Variants in C8B observed in about 807,000 individuals in gnomAD.
C8B encodes complement component C8 beta chain.
A neutral mutation model predicts 64.6 loss-of-function variants in C8B; 67 were observed. That is an observed-to-expected ratio of 1.04 (90% CI 0.85 to 1.27). The LOEUF is 1.27. Ranked by LOEUF, C8B falls within the 50% of genes most tolerant of loss-of-function variation. The pLI is 0.00. For synonymous variants in C8B, 284 were observed against 257.7 expected, an observed-to-expected ratio of 1.10 and a Z score of -0.98; for missense variants, 790 against 725.2, an observed-to-expected ratio of 1.09 and a Z score of -1.03.
In C8B at chr1:56,960,191, G is replaced by A; in HGVS notation, c.93-15C>T. The A allele has an allele frequency of 6.2e-7, 1 of 1,612,946 alleles. No individual in the cohort carries two copies. Among genetic ancestry groups the A allele is most frequent in the Non-Finnish European group, 8.5e-7 (1 of 1,179,188 alleles). On this transcript the variant is annotated splice_polypyrimidine_tract_variant and intron_variant, in intron 1 of 11. Transcript: ENST00000371237. ...GCCTTTCACCTCTAAAAGTCATTAT[G>A]AGAGAAGAGAGTCACGTATCAGAAG...
At position 56,960,019 on chromosome 1, in the gene C8B, C is replaced by A; in HGVS notation, c.249+1G>T. On this transcript the variant is annotated splice_donor_variant, in intron 2 of 11. Coordinates refer to ENST00000371237, the MANE Select transcript of C8B (RefSeq NM_000066.4). LOFTEE classifies it high-confidence loss of function. ...GAGCTGTCCCAGGCCTGGTTGCTTA[C>A]CCTTTTCTTCTGACAGGGGTCACAT... The A allele has an allele frequency of 6.2e-7, 1 of 1,614,126 alleles. No individual in the cohort carries two copies. Among genetic ancestry groups the A allele is most frequent in the Non-Finnish European group, 8.5e-7 (1 of 1,179,990 alleles).
intron 5 of C8B, among the ~76,000 whole-genome samples, chr1:56,950,460 G>A (rs1440468614): frequency 6.6e-6 from 1 of 152,188 alleles, no homozygotes; most frequent in Non-Finnish European, 1.5e-5. Context: ...TCATGGCACT[G>A]TGTGTAGGGG....
intron 5 of C8B, among the ~76,000 whole-genome samples, chr1:56,950,697 GGACA>G (rs2101428529): frequency 6.6e-6 from 1 of 152,310 alleles, no homozygotes; most frequent in South Asian, 2.1e-4. Context: ...GGATGACTTT[GGACA>G]ATTGCCTTGA....
In C8B at chr1:56,946,117, G is replaced by A. The variant is rs919007642; in HGVS notation, c.865-56C>T. ...ACCTTTAAAGTTAGGAATCTGGAAC[G>A]AGAAGATGAACTTTACAAATACCAT... On this transcript the variant is annotated intron_variant, in intron 6 of 11. Coordinates refer to ENST00000371237, the MANE Select transcript of C8B (RefSeq NM_000066.4). 20 of 1,602,550 alleles carry A rather than the reference G, an allele frequency of 1.2e-5. No homozygotes were observed. The African/African-American group carries it at 1.9e-4, about 15-fold the overall frequency.
chr1:56,951,844 A>T (rs1260927129), intron 5 of C8B, among the ~76,000 whole-genome samples: 1 of 152,232 alleles, frequency 6.6e-6, no homozygotes, highest in East Asian at 1.9e-4. Flanking sequence ...TTCTATTATT[A>T]CTGCTCTACA....
At chr1:56,964,269 G>A (rs141948377) in intron 1 of C8B, among the ~76,000 whole-genome samples, 4 of 152,062 alleles carry the variant, frequency 2.6e-5, no homozygotes, top group African/African-American at 4.8e-5. Context: ...ATATTTGATC[G>A]TGTCACTCCT....
intron 11 of C8B, among the ~76,000 whole-genome samples, chr1:56,931,329 C>T (rs778489007): frequency 4.6e-5 from 7 of 152,120 alleles, no homozygotes; most frequent in Non-Finnish European, 1.0e-4. Flanking sequence ...TCCCTACTCA[C>T]AGATGCAGGG....
Position 56,943,792 on chromosome 1 carries a change from T to C in C8B, c.1138A>G (p.Lys380Glu). 1 of 1,614,150 alleles carries C rather than the reference T, an allele frequency of 6.2e-7. No homozygotes were observed. The highest frequency in any genetic ancestry group is 8.5e-7 in the Non-Finnish European group (1 of 1,180,010). The part of the protein sequence containing the change: ...YTLNNVHACA[K>E]NDFKIGGAIE... ...GCACCACCAATTTTAAAATCATTTT[T>C]GGCACAGGCATGGACGTTGTTAAGA... The change falls in exon 8 of 12, where the codon AAA becomes GAA. Residue 380 changes from lysine (K) to glutamate (E), a missense_variant. Transcript: ENST00000371237.
Position 56,959,575 on chromosome 1 carries a change from G to T in C8B, c.249+445C>A, listed in dbSNP as rs1462204637. On this transcript the variant is annotated intron_variant, in intron 2 of 11. Coordinates refer to ENST00000371237, the MANE Select transcript of C8B (RefSeq NM_000066.4). ...ACGCCCAGAGAGAGTGAAGGCCAGAGTCATACAAGTGTCCATTGTGCTGGA... is the reference window on the plus strand; with the variant it reads ...ACGCCCAGAGAGAGTGAAGGCCAGATTCATACAAGTGTCCATTGTGCTGGA... 8.5e-6 allele frequency: 13 copies of T among 1,534,984 alleles called. No individual in the cohort carries two copies. The East Asian group carries it at 2.7e-4, about 32-fold the overall frequency.
At chr1:56,933,628 T>C (rs1644734419) in intron 9 of C8B, 140 bp from the exon 10 acceptor site, 5 of 747,204 alleles carry the variant, frequency 6.7e-6, no homozygotes, top group Non-Finnish European at 9.4e-6. Flanking sequence ...GGATCTCCCA[T>C]CTTCTCTCTG....
At chr1:56,935,948 T>C (rs1414887614) in intron 9 of C8B, among the ~76,000 whole-genome samples, 1 of 152,236 alleles carries the variant, frequency 6.6e-6, no homozygotes, top group Non-Finnish European at 1.5e-5. Flanking sequence ...TGAGCATTTT[T>C]CCACATGATT....
intron 8 of C8B, among the ~76,000 whole-genome samples, chr1:56,943,361 C>T (rs598772): frequency 0.87 from 132,228 of 152,178 alleles, 57,573 homozygotes; most frequent in South Asian, 0.96. Flanking sequence ...TGTTCATCAA[C>T]AGTAGAATGG....
intron 5 of C8B, among the ~76,000 whole-genome samples, chr1:56,950,283 G>A (rs573699397): frequency 4.6e-5 from 7 of 152,160 alleles, no homozygotes; most frequent in Non-Finnish European, 1.0e-4. Flanking sequence ...GGATTGGAAG[G>A]GAAAAATTTA....
At chr1:56,930,970 G>GTATCTTGCTCCAGGTCAGT (rs1644693102) in intron 11 of C8B, among the ~76,000 whole-genome samples, 1 of 152,176 alleles carries the variant, frequency 6.6e-6, no homozygotes, top group Non-Finnish European at 1.5e-5. Context: ...AAGAGGTCAA[G>GTATCTTGCTCCAGGTCAGT]TATCTTGCTC....
intron 8 of C8B, among the ~76,000 whole-genome samples, chr1:56,943,445 C>T (rs1644893743): frequency 6.6e-6 from 1 of 152,168 alleles, no homozygotes; most frequent in African/African-American, 2.4e-5. Flanking sequence ...TACACAAAAA[C>T]ATTATGTTGA....
In C8B at chr1:56,929,346, C is replaced by A. The variant is rs1041403348; in HGVS notation, c.*58G>T. ...GGAAACTGGTGTAGGGCTGAGCTGG[C>A]ATGAGTTCTTGAGGGCTCAGGGCTC... On this transcript the variant is annotated 3_prime_UTR_variant, in exon 12 of 12. Coordinates refer to ENST00000371237, the MANE Select transcript of C8B (RefSeq NM_000066.4). The A allele has an allele frequency of 1.3e-6, 2 of 1,584,832 alleles. No homozygotes were observed. Among genetic ancestry groups the A allele is most frequent in the Admixed American group, 3.3e-5 (2 of 59,946 alleles).
Position 56,930,628 on chromosome 1 carries a change from C to T in C8B, c.1622-1070G>A, listed in dbSNP as rs77139045. ...CGATCAAAGGCTGTGGGGGCAGACCCCTGGACCTGAACCTGGGTTTCCACA... is the reference window on the plus strand; with the variant it reads ...CGATCAAAGGCTGTGGGGGCAGACCTCTGGACCTGAACCTGGGTTTCCACA... On this transcript the variant is annotated intron_variant, in intron 11 of 11. Coordinates refer to ENST00000371237, the MANE Select transcript of C8B (RefSeq NM_000066.4). 1.7e-3 allele frequency among the ~76,000 whole-genome samples: 263 copies of T among 152,254 alleles called. 1 individual carries two copies. Among genetic ancestry groups the T allele is most frequent in the African/African-American group, 5.9e-3 (245 of 41,544 alleles).
In C8B at chr1:56,929,283, G is replaced by T. The variant is rs1644659565; in HGVS notation, c.*121C>A. ...GTAACATCTTTATTTTAAACAGCTTGCATGGCACTGCCTTTTGCCCTTGCA... is the reference window on the plus strand; with the variant it reads ...GTAACATCTTTATTTTAAACAGCTTTCATGGCACTGCCTTTTGCCCTTGCA... On this transcript the variant is annotated 3_prime_UTR_variant, in exon 12 of 12. Coordinates refer to ENST00000371237, the MANE Select transcript of C8B (RefSeq NM_000066.4). The T allele has an allele frequency of 4.1e-6, 4 of 967,620 alleles. No individual in the cohort carries two copies. Among genetic ancestry groups the T allele is most frequent in the Admixed American group, 3.4e-5 (2 of 58,636 alleles). 59.9% of individuals were successfully genotyped at this position (967,620 alleles called of 1,614,324 possible). A position where few individuals can be genotyped will look rare whatever the true frequency, so the allele number is the denominator to read the frequency against.
chr1:56,936,583 C>CT (rs1644779067), intron 9 of C8B, among the ~76,000 whole-genome samples: 1 of 83,568 alleles, frequency 1.2e-5, no homozygotes, highest in South Asian at 3.5e-4. Flanking sequence ...TTGGTTTTTT[C>CT]TTTTCCTTTT....
Sources: allele counts gnomAD v4.1 joint callset (sites outside exome capture counted in the v4.1 genomes callset), GRCh38; gene constraint gnomAD v4.1.1; transcripts MANE v1.5; gene names NCBI Gene and HGNC (gene_info 2026-07-23, HGNC 2026-07-21).